Variants in RALYL observed in about 807,000 individuals in gnomAD.
The protein encoded by RALYL is RALY RNA binding protein like.
RALYL carries 29 observed loss-of-function variants against 35.1 expected under a neutral mutation model. The ratio of observed to expected loss-of-function variants is 0.83; its 90% CI spans 0.61 to 1.13. The LOEUF is 1.13. RALYL is among the 50% of genes most tolerant of loss of function. The pLI, the probability that RALYL is intolerant of heterozygous loss-of-function variation, is 0.00. For synonymous variants in RALYL, 120 were observed against 127.6 expected, an observed-to-expected ratio of 0.94 and a Z score of 0.40; for missense variants, 359 against 360.4, an observed-to-expected ratio of 1.00 and a Z score of 0.03.
At chr8:84,536,294 C>T (rs1254836210) in intron 2 of RALYL, among the ~76,000 whole-genome samples, 1 of 152,170 alleles carries the variant, frequency 6.6e-6, no homozygotes, top group Admixed American at 6.5e-5. Flanking sequence ...CAAGATTACT[C>T]AGAGGCTCAG....
At chr8:84,369,054 C>A (rs747655496) in intron 1 of RALYL, among the ~76,000 whole-genome samples, 3 of 152,032 alleles carry the variant, frequency 2.0e-5, no homozygotes, top group East Asian at 3.9e-4. Context: ...GGATTTTGAA[C>A]CTATGAATAC....
chr8:84,350,759 C>A (rs1380956251), intron 1 of RALYL, among the ~76,000 whole-genome samples: 1 of 150,020 alleles, frequency 6.7e-6, no homozygotes, highest in Non-Finnish European at 1.5e-5. Flanking sequence ...TAATTAGGGG[C>A]AAGTAGTTTT....
At chr8:84,798,920 G>A (rs937081501) in intron 3 of RALYL, among the ~76,000 whole-genome samples, 1 of 152,194 alleles carries the variant, frequency 6.6e-6, no homozygotes, top group African/African-American at 2.4e-5. Flanking sequence ...CAGCTTGGCT[G>A]GAGCGTGGAG....
At position 84,873,352 on chromosome 8, in the gene RALYL, C is replaced by G. The variant is rs372044720; in HGVS notation, c.640C>G (p.Leu214Val). 86 of 1,601,576 alleles carry G rather than the reference C, an allele frequency of 5.4e-5. No homozygotes were observed. Among genetic ancestry groups the G allele is most frequent in the Non-Finnish European group, 6.5e-5 (76 of 1,173,936 alleles). The change falls in exon 7 of 9, where the codon CTA becomes GTA. Residue 214 changes from leucine (L) to valine (V), a missense_variant. Transcript: ENST00000521268. ...GATCAAAACTAAAATTGACTCCTTG[C>G]TAGGGCGCCTGGAGAAGATTGAGAA... ...TQIKTKIDSL[L>V]GRLEKIEKQQ...
At chr8:84,482,757 A>G (rs1377842324) in intron 1 of RALYL, among the ~76,000 whole-genome samples, 2 of 152,078 alleles carry the variant, frequency 1.3e-5, no homozygotes, top group Non-Finnish European at 2.9e-5. Context: ...GATGATCTCC[A>G]CTAATGCACT....
intron 5 of RALYL, among the ~76,000 whole-genome samples, chr8:84,857,004 CG>C (rs1170528971): frequency 2.3e-5 from 3 of 129,436 alleles, no homozygotes; most frequent in Non-Finnish European, 4.7e-5. Context: ...GTCCGCAGTC[CG>C]GCCTGGGCGA....
chr8:84,464,382 A>C (rs2133464449), intron 1 of RALYL, among the ~76,000 whole-genome samples: 1 of 151,556 alleles, frequency 6.6e-6, no homozygotes, highest in East Asian at 2.0e-4. Flanking sequence ...ATGAGTGAGA[A>C]TATGCGGTGT....
At chr8:84,604,495 A>G (rs1213139002) in intron 2 of RALYL, among the ~76,000 whole-genome samples, 1 of 152,172 alleles carries the variant, frequency 6.6e-6, no homozygotes, top group Non-Finnish European at 1.5e-5. Context: ...ACATAGTCCC[A>G]TCTCGCTGCT....
chr8:84,849,444 C>T (rs866904828), intron 4 of RALYL, among the ~76,000 whole-genome samples: 1 of 152,042 alleles, frequency 6.6e-6, no homozygotes, highest in Non-Finnish European at 1.5e-5. Context: ...TTGTACATAC[C>T]TTAGGAAGAA....
chr8:84,563,376 G>A (rs2061582576), intron 2 of RALYL, among the ~76,000 whole-genome samples: 1 of 151,782 alleles, frequency 6.6e-6, no homozygotes, highest in African/African-American at 2.4e-5. Flanking sequence ...AAACTAAACA[G>A]CACAAGCATC....
At chr8:84,277,341 G>A (rs984897156) in intron 1 of RALYL, among the ~76,000 whole-genome samples, 2 of 152,078 alleles carry the variant, frequency 1.3e-5, no homozygotes, top group African/African-American at 2.4e-5. Flanking sequence ...ACAGTATGGG[G>A]GAAACTGCCC....
At chr8:84,424,112 G>A (rs1369671756) in intron 1 of RALYL, among the ~76,000 whole-genome samples, 6 of 151,658 alleles carry the variant, frequency 4.0e-5, no homozygotes, top group Admixed American at 2.0e-4. Context: ...GCTAGATTGG[G>A]GAAGTTCTCC....
chr8:84,824,755 GA>G (rs1829293136), intron 4 of RALYL, among the ~76,000 whole-genome samples: 1 of 152,080 alleles, frequency 6.6e-6, no homozygotes, highest in African/African-American at 2.4e-5. Flanking sequence ...AAAAATAAGC[GA>G]TGGGGAATGG....
At chr8:84,208,219 T>A (rs2131114085) in intron 1 of RALYL, among the ~76,000 whole-genome samples, 1 of 152,272 alleles carries the variant, frequency 6.6e-6, no homozygotes, top group Admixed American at 6.5e-5. Flanking sequence ...GTAATAAAAG[T>A]CTGTGTGTTA....
intron 5 of RALYL, among the ~76,000 whole-genome samples, chr8:84,861,783 T>C (rs1383468409): frequency 6.6e-6 from 1 of 152,222 alleles, no homozygotes; most frequent in Non-Finnish European, 1.5e-5. Context: ...GTCATAGCTG[T>C]TTTCTTGAAG....
chr8:84,615,718 T>A (rs1819417040), intron 2 of RALYL, among the ~76,000 whole-genome samples: 1 of 138,570 alleles, frequency 7.2e-6, no homozygotes, highest in Non-Finnish European at 1.5e-5. Context: ...TAGCATTAGG[T>A]ATATCTCCCA....
At chr8:84,589,733 ACTCT>A (rs1386157000) in intron 2 of RALYL, among the ~76,000 whole-genome samples, 2 of 152,204 alleles carry the variant, frequency 1.3e-5, no homozygotes, top group Non-Finnish European at 2.9e-5. Flanking sequence ...ACCTAAATTA[ACTCT>A]CTGTGTCACA....
chr8:84,287,722 G>T (rs1182406901), intron 1 of RALYL, among the ~76,000 whole-genome samples: 1 of 152,166 alleles, frequency 6.6e-6, no homozygotes, highest in African/African-American at 2.4e-5. Flanking sequence ...TTCAAAGAGA[G>T]TGTGTAAAAT....
At chr8:84,733,183 G>A (rs930824512) in intron 2 of RALYL, among the ~76,000 whole-genome samples, 9 of 152,000 alleles carry the variant, frequency 5.9e-5, no homozygotes, top group African/African-American at 2.2e-4. Flanking sequence ...ATTATGAAGA[G>A]GGCACAAACG....
Sources: allele counts gnomAD v4.1 joint callset (sites outside exome capture counted in the v4.1 genomes callset), GRCh38; gene constraint gnomAD v4.1.1; transcripts MANE v1.5; gene names NCBI Gene and HGNC (gene_info 2026-07-23, HGNC 2026-07-21).